Variants in LENG8 observed in about 807,000 individuals in gnomAD.
The protein encoded by LENG8 is leukocyte receptor cluster member 8, also known as leukocyte receptor cluster (LRC) member 8.
A neutral mutation model predicts 102.1 loss-of-function variants in LENG8; 28 were observed. The observed-to-expected ratio is 0.27, with a 90% CI of 0.20 to 0.38. The LOEUF (loss-of-function observed/expected upper bound fraction) is 0.38, where lower values mean the gene tolerates loss of function less well. Among genes scored for constraint, LENG8 ranks in the 10% least tolerant of loss-of-function variants. LENG8 has a pLI of 1.00. For synonymous variants in LENG8, 531 were observed against 456.7 expected (o/e 1.16, Z -2.07); for missense variants, 1,022 against 1,113.9 (o/e 0.92, Z 1.17).
chr19:54,455,539 A>G lies in LENG8; in HGVS notation c.997A>G (p.Ile333Val), dbSNP rs1599977280. 1 of 1,612,786 alleles carries G rather than the reference A, an allele frequency of 6.2e-7. No individual in the cohort carries two copies. Among genetic ancestry groups the G allele is most frequent in the Non-Finnish European group, 8.5e-7 (1 of 1,179,776 alleles). Residue 333 changes from isoleucine to valine, a missense_variant, in exon 8 of 16, where the codon ATT (isoleucine) becomes GTT (valine). Physicochemically the swap from Ile to Val is conservative, Grantham distance 29. Coordinates refer to ENST00000326764, the MANE Select transcript of LENG8 (RefSeq NM_052925.4). ...ARLQDGSAYT[I>V]DWSREPLPGL... Reference sequence around the variant, plus strand: ...GCTGCAGGACGGCTCGGCCTATACCATTGACTGGAGCCGGGAGCCCTTGCC... The same window carrying G: ...GCTGCAGGACGGCTCGGCCTATACCGTTGACTGGAGCCGGGAGCCCTTGCC...
At position 54,461,635 on chromosome 19, in the gene LENG8, T is replaced by C. The variant is rs1352497114; in HGVS notation, c.*707T>C. ...TGTTTCTTCTGATTTTTTTTTCCCC[T>C]TTCCCTCCCTCCCTCTCCGCATTCT... On this transcript the variant is annotated 3_prime_UTR_variant, in exon 16 of 16. Coordinates refer to ENST00000326764, the MANE Select transcript of LENG8 (RefSeq NM_052925.4). 2.1e-6 allele frequency: 1 copy of C among 473,978 alleles called. No homozygotes were observed. Among genetic ancestry groups the C allele is most frequent in the Admixed American group, 2.3e-5 (1 of 42,618 alleles). The allele number at this position is 473,978 out of a possible 1,614,324, so 29.4% of individuals were successfully genotyped here. A position where few individuals can be genotyped will look rare whatever the true frequency, so the allele number is the denominator to read the frequency against.
rs1040608574 is a variant in LENG8 at position 54,461,845 on chromosome 19, C to T, written c.*917C>T. 4 of 622,758 alleles carry T rather than the reference C, an allele frequency of 6.4e-6. No individual in the cohort carries two copies. The highest frequency in any genetic ancestry group is 9.2e-6 in the Non-Finnish European group (3 of 326,866). The allele number at this position is 622,758 out of a possible 1,614,324, so 38.6% of individuals were successfully genotyped here. On this transcript the variant is annotated 3_prime_UTR_variant, in exon 16 of 16. Coordinates refer to ENST00000326764, the MANE Select transcript of LENG8 (RefSeq NM_052925.4). ...TTCTGCCATGTAACTGGAGGATGTGCTATGAGTTTGCAAACAGCTGGACTG... is the reference window on the plus strand; with the variant it reads ...TTCTGCCATGTAACTGGAGGATGTGTTATGAGTTTGCAAACAGCTGGACTG...
rs1254624684 is a variant in LENG8 at position 54,461,372 on chromosome 19, G to A, written c.*444G>A. ...GGGGCACCCAGCAAGCCCGCCCACC[G>A]CCCGCTGCCTCACCTGCTTCGCCAC... On this transcript the variant is annotated 3_prime_UTR_variant, in exon 16 of 16. Transcript: ENST00000326764. 7 of 458,158 alleles carry A rather than the reference G, an allele frequency of 1.5e-5. No homozygotes were observed. The highest frequency in any genetic ancestry group is 3.1e-5 in the South Asian group (2 of 64,436). The allele number at this position is 458,158 out of a possible 1,614,324, so 28.4% of individuals were successfully genotyped here.
In LENG8 at chr19:54,461,271, C is replaced by T. The variant is rs535026029; in HGVS notation, c.*343C>T. 1.1e-4 allele frequency: 55 copies of T among 491,614 alleles called. No individual in the cohort carries two copies. The highest frequency in any genetic ancestry group is 7.0e-4 in the South Asian group (44 of 62,414). 30.5% of individuals were successfully genotyped at this position (491,614 alleles called of 1,614,324 possible). On this transcript the variant is annotated 3_prime_UTR_variant, in exon 16 of 16. Transcript: ENST00000326764. ...CGAGCTTGCACTCCGGTACCCGACC[C>T]GGCGCCCTGGCCCATCCCATGCCGG...
At position 54,458,112 on chromosome 19, in the gene LENG8, G is replaced by A. The variant is rs1454273256; in HGVS notation, c.1912G>A (p.Glu638Lys). ...ARIALEKGDH[E>K]EFNQCQTQLK... is the part of the protein sequence containing the mutation. ...TGCCTCTGCCTTCCAGGGTGACCAT[G>A]AAGAGTTTAACCAGTGCCAGACGCA... The change falls in exon 14 of 16, where the codon GAA becomes AAA. Residue 638 changes from glutamate to lysine, a missense_variant. By Grantham distance (56) the Glu-to-Lys change is moderately conservative. Around this residue, in one of 7 missense-constraint regions of LENG8, gnomAD observed 158 missense variants for 229.0 expected, o/e 0.69. Transcript: ENST00000326764. 6.2e-7 allele frequency: 1 copy of A among 1,613,286 alleles called. No individual in the cohort carries two copies. The highest frequency in any genetic ancestry group is 8.5e-7 in the Non-Finnish European group (1 of 1,180,036).
At chr19:54,454,235 C>G (rs2084099961) in intron 5 of LENG8, among the ~76,000 whole-genome samples, 195 bp from the exon 6 acceptor site, 1 of 152,150 alleles carries the variant, frequency 6.6e-6, no homozygotes, top group Non-Finnish European at 1.5e-5. Context: ...GGAGCCTTGT[C>G]AGCTGTGAAA....
chr19:54,455,183 C>T, intron 7 of LENG8, 91 bp downstream of exon 7: 2 of 1,570,092 alleles, frequency 1.3e-6, no homozygotes, highest in East Asian at 2.2e-5. Context: ...CACCCTGAGC[C>T]TCAGTGTGCG....
chr19:54,455,299 C>G, intron 7 of LENG8, 65 bp from the exon 8 acceptor site: 3 of 1,563,544 alleles, frequency 1.9e-6, no homozygotes, highest in South Asian at 2.2e-5. Context: ...CTCAGAGTGG[C>G]GGTGGGGATG....
intron 15 of LENG8, 186 bp downstream of exon 15, chr19:54,458,707 AC>A: frequency 6.4e-7 from 1 of 1,550,432 alleles, no homozygotes; most frequent in Non-Finnish European, 8.7e-7. Context: ...CTTGTTGGTC[AC>A]CTCTGTGTTC....
intron 15 of LENG8, chr19:54,460,335 C>G: frequency 8.2e-7 from 1 of 1,212,790 alleles, no homozygotes; most frequent in Non-Finnish European, 1.1e-6. Flanking sequence ...TGAGTGCTAG[C>G]TGGCACCCCT....
At chr19:54,451,160 C>G (rs903949899) in intron 1 of LENG8, 130 bp from the exon 2 acceptor site, 16 of 654,680 alleles carry the variant, frequency 2.4e-5, no homozygotes, top group Admixed American at 6.9e-5. Flanking sequence ...GATCCTTGAC[C>G]CCAGTGGCTT....
Position 54,456,765 on chromosome 19 carries a change from C to T in LENG8, c.1575C>T (p.Arg525=), listed in dbSNP as rs1288469677. 5 of 1,611,604 alleles carry T rather than the reference C, an allele frequency of 3.1e-6. No homozygotes were observed. The South Asian group carries it at 5.5e-5, about 18-fold the overall frequency. ...AGCACGGACACTCCCGCCGCCTGCGCCTCGAGCCCCTGGTGCTGCAGATGA... is the reference window on the plus strand; with the variant it reads ...AGCACGGACACTCCCGCCGCCTGCGTCTCGAGCCCCTGGTGCTGCAGATGA... ...RFQHGHSRRL[R]LEPLVLQMSS... The change falls in exon 11 of 16, where the codon CGC becomes CGT. Residue 525 remains arginine (R), a synonymous_variant. Transcript: ENST00000326764.
rs116901443 is a variant in LENG8, at chr19:54,456,249, C to A, written c.1304+4C>A. On this transcript the variant is annotated splice_donor_region_variant and intron_variant, in intron 9 of 15. Coordinates refer to ENST00000326764, the MANE Select transcript of LENG8 (RefSeq NM_052925.4). ...CGACGCGCCACTTCCGCAGAAGGTA[C>A]TGAGGCTCCCGGCTGGGGCTGTGTG... is the stretch of plus-strand genomic sequence containing the variant. 61 of 1,613,996 alleles carry A rather than the reference C, an allele frequency of 3.8e-5. No homozygotes were observed. Among genetic ancestry groups the A allele is most frequent in the Non-Finnish European group, 5.1e-5 (60 of 1,179,914 alleles).
At chr19:54,457,621 G>C (rs559560889) in intron 11 of LENG8, 126 bp from the exon 12 acceptor site, 1 of 729,202 alleles carries the variant, frequency 1.4e-6, no homozygotes, top group Admixed American at 2.0e-5. Context: ...GATTACAGGC[G>C]TGAGCCACTG....
intron 4 of LENG8, among the ~76,000 whole-genome samples, chr19:54,453,054 TGC>T: frequency 6.6e-6 from 1 of 152,244 alleles, no homozygotes; most frequent in South Asian, 2.1e-4. Flanking sequence ...TTGCCCTGGC[TGC>T]AGTGCTCCCT....
rs199869658 is a variant in LENG8 at position 54,455,460 on chromosome 19, G to A, written c.918G>A (p.Ser306=). 19 of 1,614,178 alleles carry A rather than the reference G, an allele frequency of 1.2e-5. No individual in the cohort carries two copies. In the East Asian group the frequency reaches 1.3e-4, roughly 11 times the overall value. The change falls in exon 8 of 16, where the codon TCG becomes TCA. Residue 306 remains serine (S), a synonymous_variant. Coordinates refer to ENST00000326764, the MANE Select transcript of LENG8 (RefSeq NM_052925.4). ...YVERCFTACE[S]EEDKDRTEKL... ...AGCGCTGCTTCACCGCCTGTGAGTCGGAGGAGGACAAGGACCGCACGGAAA... is the reference window on the plus strand; with the variant it reads ...AGCGCTGCTTCACCGCCTGTGAGTCAGAGGAGGACAAGGACCGCACGGAAA...
intron 15 of LENG8, chr19:54,460,139 G>A (rs1415794446): frequency 3.8e-5 from 49 of 1,289,870 alleles, no homozygotes; most frequent in Non-Finnish European, 4.9e-5. Flanking sequence ...TGGCTTTGGA[G>A]CAGAAGCGGG....
At chr19:54,450,973 G>A (rs1480500883) in intron 1 of LENG8, among the ~76,000 whole-genome samples, 1 of 152,080 alleles carries the variant, frequency 6.6e-6, no homozygotes, top group Non-Finnish European at 1.5e-5. Context: ...CTACCCTCTG[G>A]ACCTTTCATC....
chr19:54,450,825 G>A (rs540623607), intron 1 of LENG8, among the ~76,000 whole-genome samples: 2 of 152,178 alleles, frequency 1.3e-5, no homozygotes, highest in South Asian at 4.1e-4. Flanking sequence ...ACTCCATGTT[G>A]GTTAGGCTGG....
Sources: gnomAD v4.1 joint callset for allele counts (sites outside exome capture counted in the v4.1 genomes callset) on GRCh38, gnomAD v4.1.1 for gene constraint, gnomAD v4.1.1 regional missense constraint, MANE v1.5 for transcripts, NCBI Gene and HGNC (gene_info 2026-07-23, HGNC 2026-07-21) for gene names.